Variants in CLMN observed in about 807,000 individuals in gnomAD.
CLMN encodes the protein calmin (calponin-like, transmembrane).
In CLMN, 57 loss-of-function variants were observed where a neutral mutation model predicts 92.7. That is an observed-to-expected ratio of 0.61 (90% CI 0.50 to 0.77). CLMN has a LOEUF of 0.77. Ranked by LOEUF, CLMN falls within the 30% of genes least tolerant of loss-of-function variation. CLMN has a pLI of 0.00. For synonymous variants in CLMN, 466 were observed against 470.6 expected (o/e 0.99, Z 0.13); for missense variants, 1,158 against 1,237.5 (o/e 0.94, Z 0.96).
chr14:95,235,367 A>G (rs1259820697), intron 1 of CLMN, among the ~76,000 whole-genome samples: 1 of 152,172 alleles, frequency 6.6e-6, no homozygotes, highest in Admixed American at 6.5e-5. Context: ...GGAAACTTAA[A>G]TCTTAGCCAG....
At position 95,317,201 on chromosome 14, in the gene CLMN, T is replaced by C. The variant is rs186764146; in HGVS notation, c.82+2510A>G. Among the ~76,000 whole-genome samples, 52 of 152,292 alleles carry C rather than the reference T, an allele frequency of 3.4e-4. 1 individual carries two copies. In the East Asian group the frequency reaches 6.9e-3, roughly 20 times the overall value. On this transcript the variant is annotated intron_variant, in intron 1 of 12. Transcript: ENST00000298912. ...GCTCGGCGTGGAGCACCTTCTGGAC[T>C]CGGCCCTTTGGCTGAGACTTCCTGA...
intron 1 of CLMN, among the ~76,000 whole-genome samples, chr14:95,236,306 G>A (rs888061057): frequency 6.6e-6 from 1 of 152,154 alleles, no homozygotes; most frequent in Non-Finnish European, 1.5e-5. Context: ...CAGGCGGGGG[G>A]TCTCAATGCT....
At chr14:95,271,099 G>A (rs1016946392) in intron 1 of CLMN, among the ~76,000 whole-genome samples, 4 of 152,172 alleles carry the variant, frequency 2.6e-5, no homozygotes, top group Non-Finnish European at 4.4e-5. Context: ...TTGGTAATTC[G>A]TGTATCTTCT....
intron 4 of CLMN, among the ~76,000 whole-genome samples, chr14:95,220,088 T>A (rs1292784312): frequency 6.6e-6 from 1 of 151,876 alleles, no homozygotes; most frequent in East Asian, 1.9e-4. Flanking sequence ...TTCTCTCACT[T>A]AGCATGTTGT....
rs1900705609 is a variant in CLMN, at chr14:95,294,013, C to A, written c.82+25698G>T. 1.5e-5 allele frequency among the ~76,000 whole-genome samples: 2 copies of A among 134,470 alleles called. No individual in the cohort carries two copies. Among genetic ancestry groups the A allele is most frequent in the African/African-American group, 5.4e-5 (2 of 36,814 alleles). 88.2% of individuals were successfully genotyped at this position (134,470 alleles called of 152,430 possible). On this transcript the variant is annotated intron_variant, in intron 1 of 12. Transcript: ENST00000298912. The surrounding 1 kb of genome is among the most constrained non-coding windows in gnomAD (Gnocchi z 4.2). ...GCCCCACTGCCTGGCTGGAGGGTGA[C>A]ACCAAAGAGGAGGAGGAGGAGGAGG...
intron 1 of CLMN, among the ~76,000 whole-genome samples, chr14:95,299,996 T>C (rs1900976312): frequency 6.6e-6 from 1 of 152,252 alleles, no homozygotes; most frequent in Admixed American, 6.5e-5. Flanking sequence ...TCATTGTTTT[T>C]CTAGGAACCT....
In CLMN at chr14:95,186,266, C is replaced by T. The variant is rs1896437377; in HGVS notation, c.*5298G>A. On this transcript the variant is annotated 3_prime_UTR_variant, in exon 13 of 13. Coordinates refer to ENST00000298912, the MANE Select transcript of CLMN (RefSeq NM_024734.4). Reference sequence around the variant, plus strand: ...GGCTGCCCCCAGTGCCTCTGCCTTCCCTCTGTTCCATCCTGATAAAGAGCA... The same window carrying T: ...GGCTGCCCCCAGTGCCTCTGCCTTCTCTCTGTTCCATCCTGATAAAGAGCA... The T allele has an allele frequency of 3.3e-5, 5 of 152,410 alleles. No homozygotes were observed. The highest frequency in any genetic ancestry group is 1.3e-4 in the Admixed American group (2 of 15,290). 9.4% of individuals were successfully genotyped at this position (152,410 alleles called of 1,614,324 possible).
At chr14:95,211,842 C>T (rs1016550539) in intron 6 of CLMN, among the ~76,000 whole-genome samples, 6 of 152,282 alleles carry the variant, frequency 3.9e-5, no homozygotes, top group East Asian at 1.9e-4. Flanking sequence ...AATTATTAAT[C>T]AAGCTATAGA....
intron 1 of CLMN, among the ~76,000 whole-genome samples, chr14:95,235,277 A>G (rs559409364): frequency 1.1e-4 from 16 of 152,350 alleles, no homozygotes; most frequent in Admixed American, 1.0e-3. Context: ...CCTGGACTCC[A>G]GACCTACTGC....
chr14:95,217,199 A>G (rs1336433799), intron 4 of CLMN, among the ~76,000 whole-genome samples: 3 of 152,262 alleles, frequency 2.0e-5, no homozygotes, highest in Non-Finnish European at 4.4e-5. Flanking sequence ...TCCACACTGC[A>G]AAATTCTGCC....
At chr14:95,285,001 G>A (rs61982973) in intron 1 of CLMN, among the ~76,000 whole-genome samples, 28,797 of 152,052 alleles carry the variant, frequency 0.19, 2,889 homozygotes, top group Non-Finnish European at 0.22. Flanking sequence ...GAATTTCCAC[G>A]TGTTGTGGGA....
chr14:95,258,510 A>G (rs1170746903), intron 1 of CLMN, among the ~76,000 whole-genome samples: 17 of 100,136 alleles, frequency 1.7e-4, no homozygotes, highest in South Asian at 9.6e-4. Flanking sequence ...GAGGGTGTGT[A>G]TGTGTGGTGT....
chr14:95,211,593 T>G (rs1254558998), intron 6 of CLMN, among the ~76,000 whole-genome samples: 2 of 151,290 alleles, frequency 1.3e-5, no homozygotes, highest in Non-Finnish European at 2.9e-5. Context: ...ACTAATTTCC[T>G]GTAGAATCTA....
chr14:95,280,376 T>C (rs1900100332), intron 1 of CLMN, among the ~76,000 whole-genome samples: 1 of 152,234 alleles, frequency 6.6e-6, no homozygotes, highest in Admixed American at 6.5e-5. Flanking sequence ...GATTTTCATG[T>C]AACATTAAAA....
At chr14:95,316,254 T>C (rs1901764528) in intron 1 of CLMN, among the ~76,000 whole-genome samples, 1 of 152,256 alleles carries the variant, frequency 6.6e-6, no homozygotes, top group African/African-American at 2.4e-5. Flanking sequence ...GCCAGCATCC[T>C]GCAATTCCAT....
Position 95,194,750 on chromosome 14 carries a change from T to C in CLMN, c.2709-154A>G, listed in dbSNP as rs933445159. Among the ~76,000 whole-genome samples the C allele has an allele frequency of 1.3e-5, 2 of 152,144 alleles. No homozygotes were observed. Among genetic ancestry groups the C allele is most frequent in the African/African-American group, 2.4e-5 (1 of 41,372 alleles). On this transcript the variant is annotated intron_variant, in intron 10 of 12. Transcript: ENST00000298912. This position sits in a 1 kb window ranked among gnomAD's most constrained non-coding sequence, Gnocchi z 4.0. ...GAAATGACAGATTTTATATCTAACA[T>C]GCCTACTTTGGTTGGACAGTGCTTA...
chr14:95,292,732 G>A (rs1032033326), intron 1 of CLMN, among the ~76,000 whole-genome samples: 2 of 152,014 alleles, frequency 1.3e-5, no homozygotes, highest in East Asian at 1.9e-4. Flanking sequence ...GCTTTCCCAC[G>A]AGCTAGGATT....
chr14:95,198,490 C>CTTTCTAATGCCTATGTTAGT (rs1566859657), intron 9 of CLMN, among the ~76,000 whole-genome samples: 4 of 152,134 alleles, frequency 2.6e-5, no homozygotes, highest in Non-Finnish European at 4.4e-5. Flanking sequence ...CTCACCCACA[C>CTTTCTAATGCCTATGTTAGT]GGATTGAGGC....
chr14:95,186,045 C>T lies in CLMN; in HGVS notation c.*5519G>A, dbSNP rs1312670701. 3 of 152,232 alleles carry T rather than the reference C, an allele frequency of 2.0e-5. No individual in the cohort carries two copies. Among genetic ancestry groups the T allele is most frequent in the Non-Finnish European group, 4.4e-5 (3 of 68,060 alleles). 9.4% of individuals were successfully genotyped at this position (152,232 alleles called of 1,614,324 possible). ...CGATGGTGGGTAGGGAGGTTAGCTT[C>T]AGCAGCTGAGGCTGTGGTTTTGTAG... On this transcript the variant is annotated 3_prime_UTR_variant, in exon 13 of 13. Coordinates refer to ENST00000298912, the MANE Select transcript of CLMN (RefSeq NM_024734.4).
Sources: allele counts gnomAD v4.1 joint callset (sites outside exome capture counted in the v4.1 genomes callset), GRCh38; gene constraint gnomAD v4.1.1; non-coding constraint Gnocchi (gnomAD v3.1); transcripts MANE v1.5; gene names NCBI Gene and HGNC (gene_info 2026-07-23, HGNC 2026-07-21).